CCDC148: variants seen among roughly 807,000 people sequenced by gnomAD.
The protein encoded by CCDC148 is coiled-coil domain-containing protein 148.
CCDC148 carries 89 observed loss-of-function variants against 85.7 expected under a neutral mutation model. That is an observed-to-expected ratio of 1.04 (90% CI 0.87 to 1.24). The LOEUF (loss-of-function observed/expected upper bound fraction) is 1.24, where lower values mean the gene tolerates loss of function less well. Ranked by LOEUF, CCDC148 falls within the 50% of genes most tolerant of loss-of-function variation. The pLI is 0.00. For missense variants in CCDC148, 692 were observed against 671.7 expected, an observed-to-expected ratio of 1.03 and a Z score of -0.33; for synonymous variants, 230 against 213.9, an observed-to-expected ratio of 1.08 and a Z score of -0.66.
intron 1 of CCDC148, among the ~76,000 whole-genome samples, chr2:158,394,766 C>T (rs1453882281): frequency 6.6e-6 from 1 of 152,050 alleles, no homozygotes; most frequent in Non-Finnish European, 1.5e-5. Flanking sequence ...GAGGTAATCA[C>T]AGATGCTAAC....
chr2:158,334,626 C>T (rs1693327456), intron 7 of CCDC148, among the ~76,000 whole-genome samples: 1 of 152,016 alleles, frequency 6.6e-6, no homozygotes, highest in South Asian at 2.1e-4. Flanking sequence ...CTAACCTTAT[C>T]TTCCAATTGC....
At chr2:158,444,785 GAAAA>G (rs11433320) in intron 1 of CCDC148, among the ~76,000 whole-genome samples, 2 of 66,678 alleles carry the variant, frequency 3.0e-5, no homozygotes, top group Non-Finnish European at 2.5e-5. Context: ...ACCCTGTCTT[GAAAA>G]AAAAAAAAAA....
chr2:158,386,346 T>G (rs756182444), intron 1 of CCDC148, among the ~76,000 whole-genome samples: 1 of 152,098 alleles, frequency 6.6e-6, no homozygotes, highest in South Asian at 2.1e-4. Flanking sequence ...TGCTATTAAT[T>G]TCTGAGATTG....
chr2:158,455,985 T>A (rs1688674552), intron 1 of CCDC148, among the ~76,000 whole-genome samples: 2 of 152,220 alleles, frequency 1.3e-5, no homozygotes. Context: ...TACTCTTTTG[T>A]GAAATCATCA....
At chr2:158,439,628 G>T (rs1366337050) in intron 1 of CCDC148, among the ~76,000 whole-genome samples, 1 of 149,342 alleles carries the variant, frequency 6.7e-6, no homozygotes, top group Non-Finnish European at 1.5e-5. Context: ...AGTATAAAAA[G>T]AAAAAAAAAG....
intron 1 of CCDC148, among the ~76,000 whole-genome samples, chr2:158,419,685 C>T (rs540428124): frequency 7.6e-4 from 116 of 152,226 alleles, no homozygotes; most frequent in African/African-American, 2.6e-3. Context: ...AAGAAAAATA[C>T]ATTGACTACT....
At chr2:158,302,779 TA>T (rs5835699) in intron 9 of CCDC148, among the ~76,000 whole-genome samples, 58,680 of 135,838 alleles carry the variant, frequency 0.43, 12,123 homozygotes, top group South Asian at 0.62. Context: ...TGAGACTCCA[TA>T]AAAAAAAAAA....
chr2:158,231,288 T>G (rs556720260), intron 10 of CCDC148, among the ~76,000 whole-genome samples: 1 of 152,308 alleles, frequency 6.6e-6, no homozygotes, highest in South Asian at 2.1e-4. Context: ...CTCTTCCACC[T>G]GTCAAACTTA....
At chr2:158,282,932 T>G (rs1033192608) in intron 9 of CCDC148, among the ~76,000 whole-genome samples, 1 of 152,152 alleles carries the variant, frequency 6.6e-6, no homozygotes, top group Non-Finnish European at 1.5e-5. Context: ...AAAACAGAGA[T>G]ATAGATCAAT....
chr2:158,212,457 T>C (rs758939194), intron 11 of CCDC148, among the ~76,000 whole-genome samples: 1 of 152,166 alleles, frequency 6.6e-6, no homozygotes, highest in Non-Finnish European at 1.5e-5. Context: ...GAGAGAAACA[T>C]CTGGCTTTGT....
chr2:158,181,321 A>C (rs1684892902), intron 11 of CCDC148, among the ~76,000 whole-genome samples: 1 of 152,110 alleles, frequency 6.6e-6, no homozygotes, highest in Non-Finnish European at 1.5e-5. Flanking sequence ...GAGAAGGCTG[A>C]CTCATCATTT....
In CCDC148 at chr2:158,246,267, G is replaced by A. The variant is rs541154857; in HGVS notation, c.1251+4505C>T. On this transcript the variant is annotated intron_variant, in intron 10 of 13. Transcript: ENST00000283233. ...ACACCTCTCATGACAGCAGGGGGCT[G>A]CTGGTGTAATTTTCTGCCAAGCTGC... Among the ~76,000 whole-genome samples, 5 of 152,306 alleles carry A rather than the reference G, an allele frequency of 3.3e-5. No individual in the cohort carries two copies. The South Asian group carries it at 1.0e-3, about 32-fold the overall frequency.
intron 10 of CCDC148, among the ~76,000 whole-genome samples, chr2:158,225,816 G>T (rs1429758018): frequency 1.3e-5 from 2 of 152,246 alleles, no homozygotes; most frequent in African/African-American, 4.8e-5. Flanking sequence ...GTGTGTAGAG[G>T]GAAATTTATA....
chr2:158,377,654 A>T (rs1310449898), intron 1 of CCDC148, among the ~76,000 whole-genome samples: 1 of 152,004 alleles, frequency 6.6e-6, no homozygotes, highest in Non-Finnish European at 1.5e-5. Flanking sequence ...GTTCTGTGGC[A>T]ACCCTGTGCC....
intron 11 of CCDC148, among the ~76,000 whole-genome samples, chr2:158,212,392 C>T (rs1373330875): frequency 6.6e-6 from 1 of 152,176 alleles, no homozygotes; most frequent in African/African-American, 2.4e-5. Context: ...TCCTTAATGC[C>T]TTCCAATACA....
intron 9 of CCDC148, among the ~76,000 whole-genome samples, chr2:158,275,208 A>C (rs771026866): frequency 3.3e-5 from 5 of 152,226 alleles, no homozygotes; most frequent in Non-Finnish European, 5.9e-5. Context: ...CCCAAATCAA[A>C]TGCCAATGAG....
At chr2:158,266,496 TG>T (rs1394636509) in intron 9 of CCDC148, among the ~76,000 whole-genome samples, 1 of 152,174 alleles carries the variant, frequency 6.6e-6, no homozygotes. Context: ...CATAGTTTTT[TG>T]GGGAAACAGG....
chr2:158,430,400 T>C lies in CCDC148; in HGVS notation c.25+26015A>G, dbSNP rs187148759. Among the ~76,000 whole-genome samples, 5 of 152,132 alleles carry C rather than the reference T, an allele frequency of 3.3e-5. No homozygotes were observed. The East Asian group carries it at 7.7e-4, about 23-fold the overall frequency. On this transcript the variant is annotated intron_variant, in intron 1 of 13. Coordinates refer to ENST00000283233, the MANE Select transcript of CCDC148 (RefSeq NM_138803.4). ...CAGACAAATCAGGCATTCAACAATATTAACATTTACAACATCCTGTATCCA... is the reference window on the plus strand; with the variant it reads ...CAGACAAATCAGGCATTCAACAATACTAACATTTACAACATCCTGTATCCA...
At position 158,382,601 on chromosome 2, in the gene CCDC148, G is replaced by A. The variant is rs1684920151; in HGVS notation, c.26-24031C>T. Among the ~76,000 whole-genome samples the A allele has an allele frequency of 1.3e-5, 2 of 152,038 alleles. 1 individual carries two copies. The highest frequency in any genetic ancestry group is 2.9e-5 in the Non-Finnish European group (2 of 68,006). ...AGAGCTGACAAATTTGAATAGAAGT[G>A]TTAAGATAATTTTAAAACCAAATCT... On this transcript the variant is annotated intron_variant, in intron 1 of 13. Transcript: ENST00000283233.
Sources: gnomAD v4.1 joint callset for allele counts (sites outside exome capture counted in the v4.1 genomes callset) on GRCh38, gnomAD v4.1.1 for gene constraint, MANE v1.5 for transcripts, NCBI Gene and HGNC (gene_info 2026-07-23, HGNC 2026-07-21) for gene names.